The following SLC30A7 variants were observed in gnomAD, a reference collection of about 807,000 sequenced individuals.
SLC30A7 encodes zinc transporter 7.
SLC30A7 carries 35 observed loss-of-function variants against 46.0 expected under a neutral mutation model. The observed-to-expected ratio is 0.76, with a 90% CI of 0.58 to 1.01. The LOEUF is 1.01. Ranked by LOEUF, SLC30A7 falls within the 50% of genes least tolerant of loss-of-function variation. The pLI is 0.00. For missense variants in SLC30A7, 464 were observed against 451.1 expected (o/e 1.03, Z -0.26); for synonymous variants, 147 against 157.8 (o/e 0.93, Z 0.51).
Position 100,953,079 on chromosome 1 carries a change from G to A in SLC30A7, c.843-8749G>A, listed in dbSNP as rs116435562. Among the ~76,000 whole-genome samples, 958 of 152,192 alleles carry A rather than the reference G, an allele frequency of 6.3e-3. 15 individuals carry two copies. The highest frequency in any genetic ancestry group is 0.02 in the African/African-American group (832 of 41,528). ...ATGAGATCTGATGATTTAAAAGTGTGTGGCACTTCCTCCTTCACTGTCTCT... is the reference window on the plus strand; with the variant it reads ...ATGAGATCTGATGATTTAAAAGTGTATGGCACTTCCTCCTTCACTGTCTCT... On this transcript the variant is annotated intron_variant, in intron 8 of 10. Coordinates refer to ENST00000357650, the MANE Select transcript of SLC30A7 (RefSeq NM_133496.5).
chr1:100,936,507 AC>A (rs1653975344), intron 8 of SLC30A7, among the ~76,000 whole-genome samples: 1 of 152,160 alleles, frequency 6.6e-6, no homozygotes, highest in South Asian at 2.1e-4. Flanking sequence ...GTTAGCTTAT[AC>A]CTCTGTATCT....
At chr1:100,918,378 C>G (rs1652727582) in intron 7 of SLC30A7, among the ~76,000 whole-genome samples, 1 of 152,076 alleles carries the variant, frequency 6.6e-6, no homozygotes, top group African/African-American at 2.4e-5. Flanking sequence ...TTGGCATGTC[C>G]CCACAATCCC....
At chr1:100,916,386 C>T (rs1213323958) in intron 6 of SLC30A7, among the ~76,000 whole-genome samples, 3 of 152,008 alleles carry the variant, frequency 2.0e-5, no homozygotes, top group Non-Finnish European at 4.4e-5. Context: ...GAGGTTTCAC[C>T]GTGTTAGCCA....
intron 8 of SLC30A7, among the ~76,000 whole-genome samples, chr1:100,923,117 C>G (rs865838321): frequency 3.5e-5 from 4 of 112,732 alleles, no homozygotes; most frequent in African/African-American, 1.4e-4. Flanking sequence ...CTGGGGTTCA[C>G]GCCATTCTCC....
In SLC30A7 at chr1:100,979,404, A is replaced by T. The variant is rs116440674; in HGVS notation, c.*4547A>T. On this transcript the variant is annotated 3_prime_UTR_variant, in exon 11 of 11. Coordinates refer to ENST00000357650, the MANE Select transcript of SLC30A7 (RefSeq NM_133496.5). ...CCCAGATCTCAACCAGAGACTCAAGATAGCCTCAAATACAGTGAAAGATTA... is the reference window on the plus strand; with the variant it reads ...CCCAGATCTCAACCAGAGACTCAAGTTAGCCTCAAATACAGTGAAAGATTA... The T allele has an allele frequency of 1.9e-3, 276 of 148,668 alleles. 1 individual carries two copies. Among genetic ancestry groups the T allele is most frequent in the African/African-American group, 6.1e-3 (247 of 40,698 alleles). The allele number at this position is 148,668 out of a possible 1,614,324, so 9.2% of individuals were successfully genotyped here. A position where few individuals can be genotyped will look rare whatever the true frequency, so the allele number is the denominator to read the frequency against.
rs375048108 is a variant in SLC30A7 at position 100,921,852 on chromosome 1, T to C, written c.842+11T>C. ...TCTTATAGTTGTAAGGTAAGTGTTATTGTTACTTTCAAGTATTAAAGTGAG... is the reference window on the plus strand; with the variant it reads ...TCTTATAGTTGTAAGGTAAGTGTTACTGTTACTTTCAAGTATTAAAGTGAG... On this transcript the variant is annotated intron_variant, in intron 8 of 10. Coordinates refer to ENST00000357650, the MANE Select transcript of SLC30A7 (RefSeq NM_133496.5). 1.5e-5 allele frequency: 24 copies of C among 1,607,604 alleles called. No individual in the cohort carries two copies. Among genetic ancestry groups the C allele is most frequent in the Middle Eastern group, 1.7e-4 (1 of 5,904 alleles).
chr1:100,935,371 T>A (rs749774412), intron 8 of SLC30A7, among the ~76,000 whole-genome samples: 23 of 152,222 alleles, frequency 1.5e-4, no homozygotes, highest in Non-Finnish European at 3.2e-4. Context: ...CAAGTCAGTT[T>A]AAACTTTTCA....
the SLC30A7 span, chr1:100,995,886 A>C: frequency 6.6e-6 from 1 of 152,250 alleles, no homozygotes; most frequent in Non-Finnish European, 1.5e-5. Context: ...CCTGCTTTAC[A>C]TGCTGAAAAC....
chr1:100,967,138 C>T (rs1362753886), intron 10 of SLC30A7, among the ~76,000 whole-genome samples: 1 of 152,160 alleles, frequency 6.6e-6, no homozygotes, highest in Admixed American at 6.5e-5. Flanking sequence ...ATTCTGTTCT[C>T]AGTCTAGTTT....
rs533312219 is a variant in SLC30A7 at position 100,979,860 on chromosome 1, G to C, written c.*5003G>C. On this transcript the variant is annotated 3_prime_UTR_variant, in exon 11 of 11. Coordinates refer to ENST00000357650, the MANE Select transcript of SLC30A7 (RefSeq NM_133496.5). Reference sequence around the variant, plus strand: ...CTGACATCTGCTCTGCTTTGTGTATGTAATTCAGCAGTGCTTCAAAGATCC... The same window carrying C: ...CTGACATCTGCTCTGCTTTGTGTATCTAATTCAGCAGTGCTTCAAAGATCC... 6.6e-6 allele frequency: 1 copy of C among 152,192 alleles called. No individual in the cohort carries two copies. The highest frequency in any genetic ancestry group is 2.1e-4 in the South Asian group (1 of 4,830). 9.4% of individuals were successfully genotyped at this position (152,192 alleles called of 1,614,324 possible).
intron 10 of SLC30A7, among the ~76,000 whole-genome samples, chr1:100,973,063 A>T (rs1033111526): frequency 2.0e-5 from 3 of 151,798 alleles, no homozygotes; most frequent in Non-Finnish European, 4.4e-5. Flanking sequence ...CACAGGAAAA[A>T]AAAAAAGAAA....
chr1:100,907,768 T>A (rs1374954717), intron 3 of SLC30A7, among the ~76,000 whole-genome samples: 1 of 151,920 alleles, frequency 6.6e-6, no homozygotes, highest in Non-Finnish European at 1.5e-5. Flanking sequence ...TTCATCTGTC[T>A]CTCATATTTT....
At chr1:100,918,009 G>A in intron 6 of SLC30A7, 68 bp from the exon 7 acceptor site, 1 of 1,269,284 alleles carries the variant, frequency 7.9e-7, no homozygotes. Context: ...GAATGAAAAG[G>A]ACTCTGAATT....
At chr1:100,911,948 G>A (rs1185394141) in intron 4 of SLC30A7, among the ~76,000 whole-genome samples, 164 bp from the exon 5 acceptor site, 1 of 152,100 alleles carries the variant, frequency 6.6e-6, no homozygotes, top group African/African-American at 2.4e-5. Flanking sequence ...TTTTTCTACA[G>A]TATGTGAGCT....
intron 2 of SLC30A7, among the ~76,000 whole-genome samples, chr1:100,902,145 T>G (rs1243302559): frequency 2.6e-5 from 4 of 152,178 alleles, no homozygotes; most frequent in Non-Finnish European, 5.9e-5. Flanking sequence ...TTTTAAATCA[T>G]GATATCAAGT....
At chr1:100,911,405 G>T (rs1474680016) in intron 4 of SLC30A7, among the ~76,000 whole-genome samples, 1 of 152,086 alleles carries the variant, frequency 6.6e-6, no homozygotes, top group Non-Finnish European at 1.5e-5. Context: ...AAATGTAGAG[G>T]CACAATCTGG....
intron 8 of SLC30A7, among the ~76,000 whole-genome samples, chr1:100,939,241 G>A (rs1383828849): frequency 6.6e-6 from 1 of 152,024 alleles, no homozygotes; most frequent in African/African-American, 2.4e-5. Context: ...TGGAGCAATG[G>A]TTTTTTTAAT....
At position 100,906,947 on chromosome 1, in the gene SLC30A7, A is replaced by G. The variant is rs759426397; in HGVS notation, c.278A>G (p.Asn93Ser). The G allele has an allele frequency of 1.6e-5, 26 of 1,610,846 alleles. No individual in the cohort carries two copies. Among genetic ancestry groups the G allele is most frequent in the Non-Finnish European group, 2.0e-5 (24 of 1,177,340 alleles). ...AASVISKWRDNDAFSYGYVRA... is the reference protein window; with the variant it reads ...AASVISKWRDSDAFSYGYVRA... ...TCTGTTATTTCAAAATGGAGAGATA[A>G]TGATGCTTTCTCCTATGGGTAAGAC... is the stretch of plus-strand genomic sequence containing the variant. Residue 93 changes from asparagine to serine, a missense_variant, in exon 3 of 11, where the codon AAT (asparagine) becomes AGT (serine). Transcript: ENST00000357650.
rs1395417493 is a variant in SLC30A7 at position 100,975,855 on chromosome 1, T to TA, written c.*1000dup. ...TTTTTTTTTTTTTTTTTTTTTTTTT[T>TA]AACAATGGATATTCTGTAAAATATC... On this transcript the variant is annotated 3_prime_UTR_variant, in exon 11 of 11. Transcript: ENST00000357650. 2 of 92,508 alleles carry TA rather than the reference T, an allele frequency of 2.2e-5. No individual in the cohort carries two copies. The highest frequency in any genetic ancestry group is 7.6e-5 in the African/African-American group (2 of 26,346). 5.7% of individuals were successfully genotyped at this position (92,508 alleles called of 1,614,324 possible).
Sources: allele counts gnomAD v4.1 joint callset (sites outside exome capture counted in the v4.1 genomes callset), GRCh38; gene constraint gnomAD v4.1.1; transcripts MANE v1.5; gene names NCBI Gene and HGNC (gene_info 2026-07-23, HGNC 2026-07-21).